The following SLIT1 variants were observed in gnomAD, a reference collection of about 807,000 sequenced individuals.
The protein encoded by SLIT1 is slit homolog 1 protein.
Under a neutral mutation model 186.1 loss-of-function variants are expected in SLIT1, and 66 were observed. The observed-to-expected ratio is 0.35, with a 90% CI of 0.29 to 0.44. The LOEUF is 0.44. SLIT1 is among the 20% of genes least tolerant of loss of function. The pLI, the probability that SLIT1 is intolerant of heterozygous loss-of-function variation, is 1.00. For missense variants in SLIT1, 1,638 were observed against 2,037.4 expected (o/e 0.80, Z 3.77); for synonymous variants, 761 against 833.8 (o/e 0.91, Z 1.50).
chr10:97,043,585 T>C lies in SLIT1; in HGVS notation c.1854-72A>G, dbSNP rs1848709820. The C allele has an allele frequency of 7.1e-7, 1 of 1,417,594 alleles. No homozygotes were observed. Among genetic ancestry groups the C allele is most frequent in the Non-Finnish European group, 9.8e-7 (1 of 1,019,526 alleles). The allele number at this position is 1,417,594 out of a possible 1,614,324, so 87.8% of individuals were successfully genotyped here. On this transcript the variant is annotated intron_variant, in intron 18 of 36. Coordinates refer to ENST00000266058, the MANE Select transcript of SLIT1 (RefSeq NM_003061.3). This position sits in a 1 kb window ranked among gnomAD's most constrained non-coding sequence, Gnocchi z 7.0. ...AGCCATCCACCTGGGCCACGCAGCT[T>C]CCGCCATCGTGGCTCGTTCACAGTT...
intron 30 of SLIT1, among the ~76,000 whole-genome samples, chr10:97,013,518 A>T (rs1251183456): frequency 2.6e-5 from 4 of 152,174 alleles, no homozygotes; most frequent in Admixed American, 2.0e-4. Context: ...GGCAAGTGAC[A>T]CATTCAGGGT....
chr10:97,083,097 T>C (rs1849122097), intron 4 of SLIT1, among the ~76,000 whole-genome samples: 2 of 151,960 alleles, frequency 1.3e-5, no homozygotes, highest in Admixed American at 6.5e-5. Context: ...AATATTTTTA[T>C]TTATTTATTT....
At chr10:97,012,075 TACACACACACACACACACAC>T (rs35171328) in intron 30 of SLIT1, among the ~76,000 whole-genome samples, 39 of 130,918 alleles carry the variant, frequency 3.0e-4, no homozygotes, top group Middle Eastern at 3.8e-3. Flanking sequence ...TCAAGCCCAG[TACACACACACACACACACAC>T]ACACACACAC....
chr10:97,051,226 A>G (rs1848783547), intron 13 of SLIT1, among the ~76,000 whole-genome samples: 1 of 150,908 alleles, frequency 6.6e-6, no homozygotes, highest in Non-Finnish European at 1.5e-5. Context: ...ATGAGATACC[A>G]CTTCACACCC....
At chr10:97,074,910 T>C (rs1236490564) in intron 4 of SLIT1, among the ~76,000 whole-genome samples, 1 of 152,234 alleles carries the variant, frequency 6.6e-6, no homozygotes, top group Non-Finnish European at 1.5e-5. Flanking sequence ...TAATCTGCCT[T>C]CACGCTCTAA....
chr10:97,085,234 A>C (rs948816618), intron 4 of SLIT1, among the ~76,000 whole-genome samples: 4 of 150,686 alleles, frequency 2.7e-5, no homozygotes. Flanking sequence ...TACTTTTCTT[A>C]TACCTCCCAT....
intron 7 of SLIT1, 131 bp from the exon 8 acceptor site, chr10:97,063,749 A>C (rs1375028820): frequency 1.0e-6 from 1 of 991,332 alleles, no homozygotes; most frequent in African/African-American, 1.6e-5. Context: ...CATTTAGTCA[A>C]GTAGACGGCT....
At chr10:97,135,640 A>G (rs982120836) in intron 4 of SLIT1, among the ~76,000 whole-genome samples, 1 of 152,176 alleles carries the variant, frequency 6.6e-6, no homozygotes, top group Non-Finnish European at 1.5e-5. Flanking sequence ...GAGTACCCAC[A>G]GCTCAGGCGC....
At chr10:97,151,743 G>A (rs1321675441) in intron 4 of SLIT1, among the ~76,000 whole-genome samples, 1 of 152,148 alleles carries the variant, frequency 6.6e-6, no homozygotes, top group Non-Finnish European at 1.5e-5. Context: ...GGAAAGTGCT[G>A]ACCTCGTAGA....
In SLIT1 at chr10:97,139,602, G is replaced by A. The variant is rs181521396; in HGVS notation, c.413+18216C>T. Reference sequence around the variant, plus strand: ...CTCTGGGACACCACTGGTTGTTTGGGGAACCTCATGGAAGCTGTAAACGTC... The same window carrying A: ...CTCTGGGACACCACTGGTTGTTTGGAGAACCTCATGGAAGCTGTAAACGTC... On this transcript the variant is annotated intron_variant, in intron 4 of 36. Coordinates refer to ENST00000266058, the MANE Select transcript of SLIT1 (RefSeq NM_003061.3). Among the ~76,000 whole-genome samples, 23 of 152,212 alleles carry A rather than the reference G, an allele frequency of 1.5e-4. No individual in the cohort carries two copies. In the East Asian group the frequency reaches 4.4e-3, roughly 29 times the overall value.
chr10:97,031,461 C>A, intron 24 of SLIT1, 145 bp downstream of exon 24: 1 of 612,104 alleles, frequency 1.6e-6, no homozygotes, highest in African/African-American at 1.9e-5. Context: ...ATGAGAGTAT[C>A]CACAGGGGCT....
intron 4 of SLIT1, among the ~76,000 whole-genome samples, chr10:97,095,141 G>C (rs1239994072): frequency 6.6e-6 from 1 of 152,184 alleles, no homozygotes; most frequent in Non-Finnish European, 1.5e-5. Flanking sequence ...AAGTTAGTCA[G>C]GCATGGTAGT....
chr10:97,088,905 G>A (rs919697695), intron 4 of SLIT1, among the ~76,000 whole-genome samples: 2 of 152,192 alleles, frequency 1.3e-5, no homozygotes, highest in African/African-American at 2.4e-5. Flanking sequence ...CTGTCATGGG[G>A]AGGATCTAGA....
At chr10:97,115,868 C>T (rs1461068826) in intron 4 of SLIT1, among the ~76,000 whole-genome samples, 1 of 152,156 alleles carries the variant, frequency 6.6e-6, no homozygotes, top group Non-Finnish European at 1.5e-5. Context: ...ACAAAGAAAA[C>T]ATAGACTCCT....
chr10:97,035,388 C>T (rs866644529), intron 22 of SLIT1, among the ~76,000 whole-genome samples: 40 of 152,148 alleles, frequency 2.6e-4, no homozygotes, highest in African/African-American at 8.7e-4. Flanking sequence ...GATACTCAAA[C>T]TCCGCCCGCA....
Position 97,043,207 on chromosome 10 carries a change from C to G in SLIT1, c.1998-140G>C. ...GACCACCACCCATCACCAAGAGGAC[C>G]GGCTCTGAGGACCGGAGGGAGACTT... On this transcript the variant is annotated intron_variant, in intron 19 of 36. Transcript: ENST00000266058. This position sits in a 1 kb window ranked among gnomAD's most constrained non-coding sequence, Gnocchi z 7.0. 1 of 1,309,882 alleles carries G rather than the reference C, an allele frequency of 7.6e-7. No homozygotes were observed. Among genetic ancestry groups the G allele is most frequent in the Non-Finnish European group, 1.1e-6 (1 of 935,944 alleles). The allele number at this position is 1,309,882 out of a possible 1,614,324, so 81.1% of individuals were successfully genotyped here.
At chr10:97,017,705 C>T (rs908724490) in intron 28 of SLIT1, among the ~76,000 whole-genome samples, 1 of 152,232 alleles carries the variant, frequency 6.6e-6, no homozygotes, top group African/African-American at 2.4e-5. Flanking sequence ...GCCTCACCCA[C>T]CCAGTGGCAG....
chr10:97,044,600 AAAG>A (rs1251238014), intron 18 of SLIT1, among the ~76,000 whole-genome samples: 1 of 152,182 alleles, frequency 6.6e-6, no homozygotes, highest in Non-Finnish European at 1.5e-5. Flanking sequence ...CCAAATTAAA[AAAG>A]AATGAAAAAT....
At chr10:97,011,898 G>A (rs1332384251) in intron 30 of SLIT1, among the ~76,000 whole-genome samples, 1 of 152,012 alleles carries the variant, frequency 6.6e-6, no homozygotes, top group African/African-American at 2.4e-5. Flanking sequence ...CCTCCTCCAG[G>A]AAGCCTCTGG....
Sources: allele counts gnomAD v4.1 joint callset (sites outside exome capture counted in the v4.1 genomes callset), GRCh38; gene constraint gnomAD v4.1.1; non-coding constraint Gnocchi (gnomAD v3.1); transcripts MANE v1.5; gene names NCBI Gene and HGNC (gene_info 2026-07-23, HGNC 2026-07-21).